Variants in SEMA3E observed in about 807,000 individuals in gnomAD.
The protein encoded by SEMA3E is semaphorin-3E.
Under a neutral mutation model 93.6 loss-of-function variants are expected in SEMA3E, and 49 were observed. The ratio of observed to expected loss-of-function variants is 0.52; its 90% CI spans 0.42 to 0.66. The LOEUF (loss-of-function observed/expected upper bound fraction) is 0.66, where lower values mean the gene tolerates loss of function less well. Ranked by LOEUF, SEMA3E falls within the 30% of genes least tolerant of loss-of-function variation. SEMA3E has a pLI of 0.00. For synonymous variants in SEMA3E, 363 were observed against 330.7 expected (o/e 1.10, Z -1.06); for missense variants, 906 against 964.8 (o/e 0.94, Z 0.81).
intron 1 of SEMA3E, among the ~76,000 whole-genome samples, chr7:83,637,109 T>G (rs1793896455): frequency 6.6e-6 from 1 of 151,968 alleles, no homozygotes; most frequent in Non-Finnish European, 1.5e-5. Context: ...ACAGTTATGG[T>G]GAGTACAGAG....
chr7:83,514,193 A>C (rs960584846), intron 1 of SEMA3E, among the ~76,000 whole-genome samples: 2 of 152,152 alleles, frequency 1.3e-5, no homozygotes, highest in African/African-American at 4.8e-5. Context: ...GAGGCGCATG[A>C]ATAATCCACC....
chr7:83,619,885 T>TGATAGATA (rs761339773), intron 1 of SEMA3E, among the ~76,000 whole-genome samples: 2 of 126,770 alleles, frequency 1.6e-5, no homozygotes, highest in Non-Finnish European at 1.7e-5. Flanking sequence ...GATAGATAGA[T>TGATAGATA]GATAGATAGA....
In SEMA3E at chr7:83,400,085, C is replaced by T. The variant is rs781593656; in HGVS notation, c.1309G>A (p.Ala437Thr). 14 of 1,613,902 alleles carry T rather than the reference C, an allele frequency of 8.7e-6. No individual in the cohort carries two copies. In the African/African-American group the frequency reaches 1.5e-4, roughly 17 times the overall value. ...TCCTCAGCTTCCACTCGATCTACTG[C>T]TATTTGTTTCAGGTTATATTTTCCA... is the stretch of plus-strand genomic sequence containing the variant. ...TDGKYNLKQI[A>T]VDRVEAEDGQ... The change falls in exon 11 of 17, where the codon GCA becomes ACA. Residue 437 changes from alanine to threonine, a missense_variant. Transcript: ENST00000643230.
intron 2 of SEMA3E, among the ~76,000 whole-genome samples, chr7:83,481,170 T>C (rs998491625): frequency 4.6e-5 from 7 of 152,134 alleles, no homozygotes; most frequent in Non-Finnish European, 8.8e-5. Flanking sequence ...GGGTTGAATC[T>C]ATGGTCAATC....
chr7:83,534,330 G>A (rs1463204195), intron 1 of SEMA3E, among the ~76,000 whole-genome samples: 1 of 152,146 alleles, frequency 6.6e-6, no homozygotes, highest in Non-Finnish European at 1.5e-5. Context: ...CCCATGTGTA[G>A]ATAACTTTGG....
chr7:83,373,106 TTAGCTA>T (rs1230407328), intron 16 of SEMA3E: 7 of 150,018 alleles, frequency 4.7e-5, no homozygotes, highest in African/African-American at 1.7e-4. Flanking sequence ...TTTATTATTC[TTAGCTA>T]TAAAGATTGA....
chr7:83,619,043 G>A (rs1793489868), intron 1 of SEMA3E, among the ~76,000 whole-genome samples: 1 of 151,734 alleles, frequency 6.6e-6, no homozygotes, highest in East Asian at 1.9e-4. Flanking sequence ...CTGTCTTTTA[G>A]AAAACTATAA....
intron 10 of SEMA3E, 66 bp from the exon 11 acceptor site, chr7:83,400,316 T>A: frequency 6.9e-7 from 1 of 1,453,760 alleles, no homozygotes; most frequent in Non-Finnish European, 9.7e-7. Flanking sequence ...TATAATCAAT[T>A]ATGAGAAGAA....
At chr7:83,612,676 T>C (rs1793289336) in intron 1 of SEMA3E, 1 of 152,094 alleles carries the variant, frequency 6.6e-6, no homozygotes, top group South Asian at 2.1e-4. Flanking sequence ...GCCCTGGATT[T>C]TAAAGAACAG....
intron 4 of SEMA3E, among the ~76,000 whole-genome samples, chr7:83,465,567 G>T (rs1230479462): frequency 6.6e-6 from 1 of 152,084 alleles, no homozygotes; most frequent in Non-Finnish European, 1.5e-5. Context: ...TTTGTATGTG[G>T]TGGCTTAAAA....
At chr7:83,520,100 A>G (rs1379411489) in intron 1 of SEMA3E, among the ~76,000 whole-genome samples, 1 of 152,162 alleles carries the variant, frequency 6.6e-6, no homozygotes, top group African/African-American at 2.4e-5. Flanking sequence ...CTAGGGTGGT[A>G]TCTTCTTTCA....
chr7:83,447,942 T>C (rs1175463561), intron 4 of SEMA3E, among the ~76,000 whole-genome samples: 4 of 152,204 alleles, frequency 2.6e-5, no homozygotes, highest in African/African-American at 9.6e-5. Flanking sequence ...TTTTCTATCT[T>C]TCTCTGTCCA....
intron 4 of SEMA3E, among the ~76,000 whole-genome samples, chr7:83,419,931 C>T (rs577456914): frequency 1.3e-5 from 2 of 152,246 alleles, no homozygotes; most frequent in East Asian, 1.9e-4. Context: ...TTACTCTCAC[C>T]ACTCCTATTC....
intron 1 of SEMA3E, among the ~76,000 whole-genome samples, chr7:83,581,688 T>C (rs1402493626): frequency 6.6e-6 from 1 of 152,028 alleles, no homozygotes; most frequent in African/African-American, 2.4e-5. Flanking sequence ...TCGCTGCAAG[T>C]GATAATTTCA....
intron 1 of SEMA3E, among the ~76,000 whole-genome samples, chr7:83,540,665 T>C (rs1292243315): frequency 2.0e-5 from 3 of 152,172 alleles, no homozygotes; most frequent in African/African-American, 4.8e-5. Context: ...TCAACACAAA[T>C]GCAAAATTTA....
intron 1 of SEMA3E, among the ~76,000 whole-genome samples, chr7:83,584,219 C>CA: frequency 6.6e-6 from 1 of 152,102 alleles, no homozygotes; most frequent in African/African-American, 2.4e-5. Context: ...TTCTTTCTCA[C>CA]AGCTATAATA....
intron 2 of SEMA3E, among the ~76,000 whole-genome samples, chr7:83,485,853 T>C (rs1380903763): frequency 1.3e-5 from 2 of 152,148 alleles, no homozygotes; most frequent in African/African-American, 2.4e-5. Flanking sequence ...AAGTATTTAT[T>C]TTATTATATG....
At chr7:83,593,302 GTGTGTGTGTGTGTGTGTGT>G (rs1792797553) in intron 1 of SEMA3E, among the ~76,000 whole-genome samples, 1 of 97,496 alleles carries the variant, frequency 1.0e-5, no homozygotes, top group Admixed American at 1.1e-4. Flanking sequence ...GTGTGTGTGT[GTGTGTGTGTGTGTGTGTGT>G]GTGTGTGTGT....
intron 5 of SEMA3E, among the ~76,000 whole-genome samples, chr7:83,418,106 T>G (rs1220046054): frequency 6.6e-6 from 1 of 152,158 alleles, no homozygotes; most frequent in African/African-American, 2.4e-5. Context: ...CTTCATATAA[T>G]TGCATTTTAT....
Sources: allele counts gnomAD v4.1 joint callset (sites outside exome capture counted in the v4.1 genomes callset), GRCh38; gene constraint gnomAD v4.1.1; transcripts MANE v1.5; gene names NCBI Gene and HGNC (gene_info 2026-07-23, HGNC 2026-07-21).